The following ROBO1 variants were observed in gnomAD, a reference collection of about 807,000 sequenced individuals.
ROBO1 encodes the protein roundabout homolog 1.
A neutral mutation model predicts 195.9 loss-of-function variants in ROBO1; 149 were observed. That is an observed-to-expected ratio of 0.76 (90% confidence interval 0.67 to 0.87). The LOEUF is 0.87. Ranked by LOEUF, ROBO1 falls within the 40% of genes least tolerant of loss-of-function variation. The pLI, the probability that ROBO1 is intolerant of heterozygous loss-of-function variation, is 0.00. For synonymous variants in ROBO1, 816 were observed against 733.2 expected, an observed-to-expected ratio of 1.11 and a Z score of -1.82; for missense variants, 1,933 against 2,068.3, an observed-to-expected ratio of 0.93 and a Z score of 1.27.
At chr3:79,486,195 A>G (rs1182901864) in intron 2 of ROBO1, among the ~76,000 whole-genome samples, 1 of 151,958 alleles carries the variant, frequency 6.6e-6, no homozygotes, top group Non-Finnish European at 1.5e-5. Flanking sequence ...CTTTTTTTTA[A>G]GTTTATAATT....
At chr3:78,855,656 T>C (rs1252440408) in intron 4 of ROBO1, among the ~76,000 whole-genome samples, 1 of 152,202 alleles carries the variant, frequency 6.6e-6, no homozygotes, top group Non-Finnish European at 1.5e-5. Flanking sequence ...CTGCTCAGAC[T>C]TCATGCTGTA....
At position 79,550,329 on chromosome 3, in the gene ROBO1, C is replaced by T. The variant is rs895679189; in HGVS notation, c.88+39495G>A. ...CACTACTCCTCAATTGACACTAACA[C>T]CTTTCTAATGGCAATCTAACTTCAC... On this transcript the variant is annotated intron_variant, in intron 2 of 30. Transcript: ENST00000464233. 1.2e-4 allele frequency among the ~76,000 whole-genome samples: 18 copies of T among 152,224 alleles called. No homozygotes were observed. In the East Asian group the frequency reaches 2.7e-3, roughly 23 times the overall value.
chr3:79,352,479 C>T (rs565985869), intron 2 of ROBO1, among the ~76,000 whole-genome samples: 237 of 152,230 alleles, frequency 1.6e-3, no homozygotes, highest in African/African-American at 5.2e-3. Flanking sequence ...AGACTACGGA[C>T]GTTAATCAGA....
At chr3:78,821,142 T>C (rs1175121088) in intron 4 of ROBO1, among the ~76,000 whole-genome samples, 1 of 151,762 alleles carries the variant, frequency 6.6e-6, no homozygotes, top group African/African-American at 2.4e-5. Context: ...AGTGCTTATA[T>C]GTGCATTTTA....
intron 28 of ROBO1, among the ~76,000 whole-genome samples, chr3:78,613,639 G>A (rs555962430): frequency 1.3e-5 from 2 of 152,256 alleles, no homozygotes; most frequent in Admixed American, 6.5e-5. Flanking sequence ...AGCATGGACA[G>A]CCACTCATTG....
At chr3:79,164,970 A>G (rs1209518802) in intron 2 of ROBO1, among the ~76,000 whole-genome samples, 2 of 152,098 alleles carry the variant, frequency 1.3e-5, no homozygotes, top group Non-Finnish European at 2.9e-5. Flanking sequence ...CACACTGCAC[A>G]CCCCTAACCT....
chr3:79,301,486 A>G (rs2109061944), intron 2 of ROBO1, among the ~76,000 whole-genome samples: 1 of 152,288 alleles, frequency 6.6e-6, no homozygotes, highest in African/African-American at 2.4e-5. Flanking sequence ...CTTATTTGTA[A>G]CAATTTGAAA....
intron 3 of ROBO1, among the ~76,000 whole-genome samples, chr3:79,024,052 G>C (rs2078156916): frequency 6.6e-6 from 1 of 152,040 alleles, no homozygotes; most frequent in Admixed American, 6.6e-5. Context: ...ATACTGTAAA[G>C]GACCATCATC....
intron 1 of ROBO1, among the ~76,000 whole-genome samples, chr3:79,745,802 T>C (rs1703849043): frequency 6.6e-6 from 1 of 152,202 alleles, no homozygotes; most frequent in Non-Finnish European, 1.5e-5. Context: ...AATAAAACTA[T>C]ATATGTATAC....
intron 3 of ROBO1, among the ~76,000 whole-genome samples, chr3:78,952,405 T>C (rs141812620): frequency 6.6e-6 from 1 of 151,052 alleles, no homozygotes; most frequent in African/African-American, 2.4e-5. Flanking sequence ...GGTTCAAACC[T>C]ATATTCTTAA....
intron 2 of ROBO1, among the ~76,000 whole-genome samples, chr3:79,219,169 G>T (rs1183054277): frequency 6.6e-6 from 1 of 151,948 alleles, no homozygotes; most frequent in African/African-American, 2.4e-5. Context: ...AGAAATTTCA[G>T]CATTAAGGGA....
intron 3 of ROBO1, among the ~76,000 whole-genome samples, chr3:79,055,734 TA>T (rs1163998334): frequency 3.3e-5 from 5 of 152,118 alleles, no homozygotes; most frequent in Admixed American, 3.3e-4. Context: ...AAGGGATTAC[TA>T]AACCCCTCCA....
intron 2 of ROBO1, among the ~76,000 whole-genome samples, chr3:79,502,262 T>C (rs1166173613): frequency 6.6e-6 from 1 of 152,070 alleles, no homozygotes; most frequent in Non-Finnish European, 1.5e-5. Context: ...TGGAGGGAGA[T>C]GCGCGGGCGG....
intron 2 of ROBO1, among the ~76,000 whole-genome samples, chr3:79,569,126 GCA>G (rs71127393): frequency 0.019 from 2,834 of 149,552 alleles, 55 homozygotes; most frequent in Middle Eastern, 0.066. Context: ...GTGCACACGC[GCA>G]CACACACACA....
intron 3 of ROBO1, among the ~76,000 whole-genome samples, chr3:79,062,598 C>A (rs1233159969): frequency 5.3e-5 from 8 of 152,090 alleles, no homozygotes; most frequent in Non-Finnish European, 1.0e-4. Flanking sequence ...GGAACCAACC[C>A]AAATGTCCAT....
At chr3:78,963,808 C>T (rs1209866697) in intron 3 of ROBO1, among the ~76,000 whole-genome samples, 7 of 152,072 alleles carry the variant, frequency 4.6e-5, no homozygotes, top group Non-Finnish European at 1.0e-4. Context: ...TGAGCCACAG[C>T]GCCCCTCCCC....
chr3:79,057,196 C>A (rs1314888898), intron 3 of ROBO1, among the ~76,000 whole-genome samples: 1 of 152,078 alleles, frequency 6.6e-6, no homozygotes, highest in Non-Finnish European at 1.5e-5. Flanking sequence ...GTAGGTCCTA[C>A]AGACAAGCTT....
At chr3:78,916,283 A>G (rs2038579022) in intron 4 of ROBO1, among the ~76,000 whole-genome samples, 1 of 134,866 alleles carries the variant, frequency 7.4e-6, no homozygotes, top group Non-Finnish European at 1.6e-5. Context: ...CTTTTTCTAA[A>G]GTGTCACGCC....
intron 2 of ROBO1, among the ~76,000 whole-genome samples, chr3:79,469,769 T>C (rs1938163558): frequency 6.6e-6 from 1 of 152,212 alleles, no homozygotes; most frequent in Non-Finnish European, 1.5e-5. Context: ...ATCTACTTCA[T>C]TTCAAAATAT....
Sources: gnomAD v4.1 joint callset for allele counts (sites outside exome capture counted in the v4.1 genomes callset) on GRCh38, gnomAD v4.1.1 for gene constraint, MANE v1.5 for transcripts, NCBI Gene and HGNC (gene_info 2026-07-23, HGNC 2026-07-21) for gene names.